The following DHRSX variants were observed in gnomAD, a reference collection of about 807,000 sequenced individuals.
The protein encoded by DHRSX is dehydrogenase/reductase X-linked.
In DHRSX, 31 loss-of-function variants were observed where a neutral mutation model predicts 34.0. That is an observed-to-expected ratio of 0.91 (90% CI 0.69 to 1.23). DHRSX has a LOEUF of 1.23. Among genes scored for constraint, DHRSX ranks in the 50% most tolerant of loss-of-function variants. The pLI, the probability that DHRSX is intolerant of heterozygous loss-of-function variation, is 0.00. For missense variants in DHRSX, 414 were observed against 428.1 expected (o/e 0.97, Z 0.29); for synonymous variants, 201 against 183.8 (o/e 1.09, Z -0.76).
At chrX:2,426,073 T>C (rs2043843095) in intron 1 of DHRSX, among the ~76,000 whole-genome samples, 1 of 152,046 alleles carries the variant, frequency 6.6e-6, no homozygotes, top group Non-Finnish European at 1.5e-5. Flanking sequence ...TTGATGGGTT[T>C]GCATATGAAA....
intron 3 of DHRSX, among the ~76,000 whole-genome samples, chrX:2,346,827 G>A (rs2042723199): frequency 1.3e-5 from 2 of 151,862 alleles, no homozygotes; most frequent in South Asian, 4.2e-4. Context: ...AGGCCCCAGT[G>A]TGTGATGTTC....
Position 2,315,810 on chromosome X carries a change from T to G in DHRSX, c.287-24207A>C, listed in dbSNP as rs747440418. ...GTAGCTTAGGATGCTCTTCCAGGCA[T>G]GCTGAATTGGGAGGCAAAATTCAGC... On this transcript the variant is annotated intron_variant, in intron 3 of 6. Coordinates refer to ENST00000334651, the MANE Select transcript of DHRSX (RefSeq NM_145177.3). Among the ~76,000 whole-genome samples the G allele has an allele frequency of 2.2e-3, 331 of 152,262 alleles. 1 individual carries two copies. The highest frequency in any genetic ancestry group is 7.3e-3 in the African/African-American group (303 of 41,560).
At chrX:2,266,253 G>A (rs2041467817) in intron 5 of DHRSX, among the ~76,000 whole-genome samples, 1 of 138,864 alleles carries the variant, frequency 7.2e-6, no homozygotes, top group Non-Finnish European at 1.5e-5. Flanking sequence ...GCAGACGCAG[G>A]GAGCACTGTC....
intron 3 of DHRSX, among the ~76,000 whole-genome samples, chrX:2,329,068 T>C (rs1353524585): frequency 1.3e-5 from 2 of 152,164 alleles, no homozygotes; most frequent in Non-Finnish European, 2.9e-5. Context: ...AATTATTCGG[T>C]GAAGAAATAA....
chrX:2,346,811 C>T (rs984231916), intron 3 of DHRSX, among the ~76,000 whole-genome samples: 4 of 151,956 alleles, frequency 2.6e-5, no homozygotes, highest in African/African-American at 9.7e-5. Context: ...TCCCCTACTC[C>T]CCGACAGGCC....
At chrX:2,403,416 C>T (rs73632303) in intron 3 of DHRSX, among the ~76,000 whole-genome samples, 1,874 of 152,258 alleles carry the variant, frequency 0.012, 41 homozygotes, top group African/African-American at 0.043. Flanking sequence ...TAAAGGCCAT[C>T]GGTATTTATA....
chrX:2,331,291 C>G (rs748264539), intron 3 of DHRSX, among the ~76,000 whole-genome samples: 1 of 152,078 alleles, frequency 6.6e-6, no homozygotes, highest in African/African-American at 2.4e-5. Flanking sequence ...CCACTGAAGT[C>G]TTGAACCCCC....
At chrX:2,224,948 C>G (rs1027398859) in intron 6 of DHRSX, among the ~76,000 whole-genome samples, 1 of 101,602 alleles carries the variant, frequency 9.8e-6, no homozygotes, top group Non-Finnish European at 1.9e-5. Flanking sequence ...CACATGTACA[C>G]AGCTCACACA....
At chrX:2,255,066 G>C (rs192948681) in intron 5 of DHRSX, among the ~76,000 whole-genome samples, 1 of 150,886 alleles carries the variant, frequency 6.6e-6, no homozygotes, top group Admixed American at 6.6e-5. Context: ...CCGGGTTCAA[G>C]TGATTCTCCT....
intron 6 of DHRSX, among the ~76,000 whole-genome samples, chrX:2,223,318 G>T (rs2015563462): frequency 6.6e-6 from 1 of 152,194 alleles, no homozygotes; most frequent in Admixed American, 6.6e-5. Context: ...TGCCATGTAA[G>T]ACATGCCTTT....
At chrX:2,289,373 C>T (rs887909097) in intron 4 of DHRSX, among the ~76,000 whole-genome samples, 3 of 152,178 alleles carry the variant, frequency 2.0e-5, no homozygotes, top group African/African-American at 7.2e-5. Flanking sequence ...TCACCTCAGC[C>T]TCCCAAAGTG....
At chrX:2,453,589 C>T (rs766305697) in intron 1 of DHRSX, among the ~76,000 whole-genome samples, 2 of 152,158 alleles carry the variant, frequency 1.3e-5, no homozygotes, top group Non-Finnish European at 2.9e-5. Flanking sequence ...GGAGGGTCAC[C>T]TGAGCCATGA....
At chrX:2,373,093 A>G (rs762616007) in intron 3 of DHRSX, among the ~76,000 whole-genome samples, 8 of 152,260 alleles carry the variant, frequency 5.3e-5, no homozygotes, top group East Asian at 1.9e-4. Flanking sequence ...GACGAAAACC[A>G]TATCTTCCAC....
At chrX:2,398,985 T>C (rs2043449309) in intron 3 of DHRSX, among the ~76,000 whole-genome samples, 1 of 152,128 alleles carries the variant, frequency 6.6e-6, no homozygotes, top group African/African-American at 2.4e-5. Flanking sequence ...CCCGAGTAGC[T>C]GGGACTACAG....
intron 5 of DHRSX, among the ~76,000 whole-genome samples, chrX:2,265,653 G>A (rs2041448692): frequency 7.1e-6 from 1 of 141,274 alleles, no homozygotes; most frequent in South Asian, 2.3e-4. Flanking sequence ...GCAGACGCAG[G>A]GAGCACTGTA....
At chrX:2,487,368 C>CTTTTG (rs67311651) in intron 1 of DHRSX, 1 of 151,886 alleles carries the variant, frequency 6.6e-6, no homozygotes, top group Non-Finnish European at 1.5e-5. Flanking sequence ...GAGCCACCCA[C>CTTTTG]TTTTGTTTTG....
chrX:2,387,102 A>T (rs1186706858), intron 3 of DHRSX, among the ~76,000 whole-genome samples: 1 of 152,092 alleles, frequency 6.6e-6, no homozygotes, highest in Non-Finnish European at 1.5e-5. Flanking sequence ...ATTTCCATGG[A>T]TATTATTTAT....
chrX:2,266,193 C>T (rs1454692447), intron 5 of DHRSX, among the ~76,000 whole-genome samples: 2 of 146,850 alleles, frequency 1.4e-5, no homozygotes, highest in Non-Finnish European at 3.0e-5. Flanking sequence ...CCCCAGAGCA[C>T]CAGTGCTTGG....
chrX:2,272,710 G>A (rs1486607976), intron 4 of DHRSX, among the ~76,000 whole-genome samples: 1 of 152,062 alleles, frequency 6.6e-6, no homozygotes, highest in Non-Finnish European at 1.5e-5. Flanking sequence ...GTGACAGGCT[G>A]TACCAGCTTC....
Sources: gnomAD v4.1 joint callset for allele counts (sites outside exome capture counted in the v4.1 genomes callset) on GRCh38, gnomAD v4.1.1 for gene constraint, MANE v1.5 for transcripts, NCBI Gene and HGNC (gene_info 2026-07-23, HGNC 2026-07-21) for gene names.